The following SLC24A3 variants were observed in gnomAD, a reference collection of about 807,000 sequenced individuals.
SLC24A3 encodes the protein solute carrier family 24 member 3, also known as sodium/potassium/calcium exchanger 3.
A neutral mutation model predicts 75.8 loss-of-function variants in SLC24A3; 28 were observed. The observed-to-expected ratio is 0.37, with a 90% CI of 0.27 to 0.51. SLC24A3 has a LOEUF of 0.51. Ranked by LOEUF, SLC24A3 falls within the 20% of genes least tolerant of loss-of-function variation. The pLI is 0.94. For missense variants in SLC24A3, 663 were observed against 847.8 expected, an observed-to-expected ratio of 0.78 and a Z score of 2.71; for synonymous variants, 372 against 334.1, an observed-to-expected ratio of 1.11 and a Z score of -1.24.
intron 2 of SLC24A3, among the ~76,000 whole-genome samples, chr20:19,288,786 G>T (rs1983871385): frequency 6.6e-6 from 1 of 152,160 alleles, no homozygotes; most frequent in African/African-American, 2.4e-5. Flanking sequence ...CTAAGCCAGG[G>T]CTCAACAAAC....
At chr20:19,673,882 C>T (rs2032496192) in intron 9 of SLC24A3, among the ~76,000 whole-genome samples, 1 of 152,232 alleles carries the variant, frequency 6.6e-6, no homozygotes, top group Non-Finnish European at 1.5e-5. Context: ...TTCAGTGTTT[C>T]ACTTGAGAAC....
intron 2 of SLC24A3, among the ~76,000 whole-genome samples, chr20:19,514,644 A>T (rs569832752): frequency 1.3e-5 from 2 of 152,272 alleles, no homozygotes; most frequent in South Asian, 4.1e-4. Context: ...AGGAGAGGAG[A>T]TGTGAGAACC....
intron 7 of SLC24A3, among the ~76,000 whole-genome samples, chr20:19,656,723 G>T (rs560072954): frequency 6.6e-6 from 1 of 152,298 alleles, no homozygotes; most frequent in African/African-American, 2.4e-5. Context: ...AGACAAGGTG[G>T]TGGAACAGAA....
intron 1 of SLC24A3, among the ~76,000 whole-genome samples, chr20:19,214,141 G>A (rs1981487485): frequency 6.6e-6 from 1 of 152,182 alleles, no homozygotes; most frequent in African/African-American, 2.4e-5. Flanking sequence ...GTGGGGAAGT[G>A]AAACAGGCGT....
intron 2 of SLC24A3, among the ~76,000 whole-genome samples, chr20:19,303,327 A>C (rs994260555): frequency 3.3e-5 from 5 of 152,176 alleles, no homozygotes; most frequent in Non-Finnish European, 5.9e-5. Flanking sequence ...ATGTTGCTGC[A>C]AAGGACATGC....
chr20:19,705,297 T>C (rs1336292306), intron 15 of SLC24A3, among the ~76,000 whole-genome samples: 1 of 152,198 alleles, frequency 6.6e-6, no homozygotes, highest in Non-Finnish European at 1.5e-5. Context: ...GTCTGATGGT[T>C]GGAGGAACCT....
intron 2 of SLC24A3, among the ~76,000 whole-genome samples, chr20:19,367,436 T>A (rs1334842298): frequency 6.6e-6 from 1 of 151,068 alleles, no homozygotes; most frequent in African/African-American, 2.4e-5. Flanking sequence ...CAAACAGGCT[T>A]GGGAAAAAAC....
chr20:19,371,886 TG>T (rs1314021428), intron 2 of SLC24A3, among the ~76,000 whole-genome samples: 1 of 152,124 alleles, frequency 6.6e-6, no homozygotes, highest in Non-Finnish European at 1.5e-5. Context: ...CAGGTGGGTA[TG>T]CCAGCCTTTT....
intron 3 of SLC24A3, among the ~76,000 whole-genome samples, chr20:19,537,992 C>T (rs933963684): frequency 6.6e-6 from 1 of 151,700 alleles, no homozygotes; most frequent in Non-Finnish European, 1.5e-5. Context: ...CAAACCTGCG[C>T]ATTGTGCACA....
At chr20:19,420,659 C>A (rs1474183845) in intron 2 of SLC24A3, among the ~76,000 whole-genome samples, 1 of 93,350 alleles carries the variant, frequency 1.1e-5, no homozygotes, top group Non-Finnish European at 2.0e-5. Flanking sequence ...CATCAAGCTA[C>A]CAATGACTTT....
At chr20:19,570,407 A>G (rs1420183492) in intron 3 of SLC24A3, among the ~76,000 whole-genome samples, 2 of 152,144 alleles carry the variant, frequency 1.3e-5, no homozygotes, top group African/African-American at 4.8e-5. Flanking sequence ...AAGGAGTTTT[A>G]TGGAAGCAGA....
intron 1 of SLC24A3, among the ~76,000 whole-genome samples, chr20:19,223,359 T>C (rs1299296958): frequency 1.3e-5 from 2 of 152,160 alleles, no homozygotes; most frequent in Non-Finnish European, 2.9e-5. Context: ...TTCCTTTACA[T>C]TTTGCAAAAC....
chr20:19,407,493 A>G (rs1421967248), intron 2 of SLC24A3, among the ~76,000 whole-genome samples: 1 of 152,212 alleles, frequency 6.6e-6, no homozygotes, highest in African/African-American at 2.4e-5. Flanking sequence ...AGGAGGGAAA[A>G]TAACAACAAA....
At chr20:19,500,935 C>T (rs927123499) in intron 2 of SLC24A3, among the ~76,000 whole-genome samples, 5 of 152,168 alleles carry the variant, frequency 3.3e-5, no homozygotes. Context: ...GACATCATGA[C>T]CAAGGTTATT....
intron 1 of SLC24A3, among the ~76,000 whole-genome samples, chr20:19,271,157 G>A (rs567642775): frequency 2.0e-5 from 3 of 152,282 alleles, no homozygotes; most frequent in African/African-American, 7.2e-5. Context: ...AGATAGGGAT[G>A]TTCTGAAAAG....
chr20:19,553,967 T>C (rs1422515825), intron 3 of SLC24A3, among the ~76,000 whole-genome samples: 1 of 152,090 alleles, frequency 6.6e-6, no homozygotes, highest in Non-Finnish European at 1.5e-5. Context: ...AGGAAAACGA[T>C]TCAGAAAAGG....
intron 3 of SLC24A3, among the ~76,000 whole-genome samples, chr20:19,576,646 C>A (rs1030138728): frequency 6.6e-6 from 1 of 152,170 alleles, no homozygotes; most frequent in African/African-American, 2.4e-5. Context: ...TCATTACCCT[C>A]AAAAGTCCTG....
intron 7 of SLC24A3, among the ~76,000 whole-genome samples, chr20:19,661,797 C>G (rs1426330954): frequency 1.3e-5 from 2 of 152,138 alleles, no homozygotes; most frequent in African/African-American, 4.8e-5. Context: ...CCTCTTCTCT[C>G]CCGCGTATAC....
At chr20:19,548,607 G>A (rs1315263375) in intron 3 of SLC24A3, among the ~76,000 whole-genome samples, 1 of 152,190 alleles carries the variant, frequency 6.6e-6, no homozygotes, top group Non-Finnish European at 1.5e-5. Flanking sequence ...CAAGGTGTCA[G>A]CCATCAAAGG....
Sources: allele counts gnomAD v4.1 joint callset (sites outside exome capture counted in the v4.1 genomes callset), GRCh38; gene constraint gnomAD v4.1.1; transcripts MANE v1.5; gene names NCBI Gene and HGNC (gene_info 2026-07-23, HGNC 2026-07-21).